Variants in PRH1 observed in about 807,000 individuals in gnomAD.
The protein encoded by PRH1 is proline rich protein HaeIII subfamily 1, also known as salivary acidic proline-rich phosphoprotein 1/2.
Under a neutral mutation model 7.9 loss-of-function variants are expected in PRH1, and 7 were observed. The ratio of observed to expected loss-of-function variants is 0.89; its 90% CI spans 0.50 to 1.67. The LOEUF (loss-of-function observed/expected upper bound fraction) is 1.67. Ranked by LOEUF, PRH1 falls within the 40% of genes most tolerant of loss-of-function variation. The pLI, the probability that PRH1 is intolerant of heterozygous loss-of-function variation, is 0.00. For missense variants in PRH1, 109 were observed against 223.6 expected (o/e 0.49, Z 3.27); for synonymous variants, 45 against 80.8 (o/e 0.56, Z 2.38).
chr12:10,998,661 G>C (rs1439738001), intron 1 of PRH1, among the ~76,000 whole-genome samples: 2 of 152,014 alleles, frequency 1.3e-5, no homozygotes, highest in Non-Finnish European at 1.5e-5. Flanking sequence ...TCCCATGCCA[G>C]ATTTTCAGCC....
At chr12:11,147,038 G>C (rs890932955) in intron 1 of PRH1, among the ~76,000 whole-genome samples, 6 of 151,848 alleles carry the variant, frequency 4.0e-5, no homozygotes, top group Admixed American at 2.0e-4. Flanking sequence ...GCCTATCTCC[G>C]AACTGTTAAT....
chr12:11,017,420 C>T (rs368620565), intron 1 of PRH1, among the ~76,000 whole-genome samples: 12 of 152,052 alleles, frequency 7.9e-5, no homozygotes, highest in African/African-American at 2.9e-4. Flanking sequence ...TAGAGAACAC[C>T]AACGCAGATA....
At chr12:11,041,114 C>T (rs926280544) in intron 1 of PRH1, among the ~76,000 whole-genome samples, 2 of 151,032 alleles carry the variant, frequency 1.3e-5, no homozygotes, top group Non-Finnish European at 1.5e-5. Context: ...CCAGTAATAA[C>T]GTTGAATGAA....
chr12:11,014,698 C>T (rs571227638), intron 1 of PRH1, among the ~76,000 whole-genome samples: 1 of 152,162 alleles, frequency 6.6e-6, no homozygotes, highest in East Asian at 1.9e-4. Flanking sequence ...GAAAAGGATG[C>T]TGAAAATTCA....
chr12:11,103,026 A>G (rs1021056355), intron 1 of PRH1, among the ~76,000 whole-genome samples: 3 of 152,198 alleles, frequency 2.0e-5, no homozygotes, highest in Non-Finnish European at 2.9e-5. Flanking sequence ...GGCAATCATT[A>G]AAAAGTCAGG....
chr12:11,117,408 T>C (rs562779889), downstream of PRH1, among the ~76,000 whole-genome samples: 2 of 151,728 alleles, frequency 1.3e-5, no homozygotes, highest in African/African-American at 2.4e-5. Context: ...ATGAAAGAAA[T>C]GGAAAAGGAC....
chr12:11,014,996 A>C (rs1280717128), intron 1 of PRH1, among the ~76,000 whole-genome samples: 1 of 152,146 alleles, frequency 6.6e-6, no homozygotes. Flanking sequence ...TTTCACAATA[A>C]GTAAAGATGC....
chr12:11,016,281 C>T (rs1023579465), intron 1 of PRH1, among the ~76,000 whole-genome samples: 41 of 152,182 alleles, frequency 2.7e-4, no homozygotes, highest in Non-Finnish European at 8.8e-5. Flanking sequence ...TGAAGTGGTA[C>T]ACTTAAAGGC....
upstream of PRH1, among the ~76,000 whole-genome samples, chr12:10,886,461 G>C (rs1286975687): frequency 2.6e-5 from 4 of 152,182 alleles, no homozygotes; most frequent in Non-Finnish European, 5.9e-5. Context: ...CAATCAGCGA[G>C]AGACTAGTGT....
At chr12:11,151,751 T>A (rs1440565757) in intron 1 of PRH1, among the ~76,000 whole-genome samples, 1 of 152,174 alleles carries the variant, frequency 6.6e-6, no homozygotes, top group Non-Finnish European at 1.5e-5. Flanking sequence ...GGAAAGAAAG[T>A]CTTTCTTTAG....
chr12:10,952,012 G>A (rs985979787), intron 2 of PRH1, among the ~76,000 whole-genome samples: 1 of 152,120 alleles, frequency 6.6e-6, no homozygotes, highest in Non-Finnish European at 1.5e-5. Flanking sequence ...ACAGCCTTAG[G>A]ATAGCTATCT....
intron 2 of PRH1, among the ~76,000 whole-genome samples, chr12:10,946,926 G>A (rs118051636): frequency 0.02 from 3,009 of 152,186 alleles, 34 homozygotes; most frequent in South Asian, 0.032. Flanking sequence ...TAATTTCCAT[G>A]TAATTGTATG....
At chr12:10,932,343 C>T (rs1950226028) in intron 2 of PRH1, 3 of 326,216 alleles carry the variant, frequency 9.2e-6, no homozygotes, top group Non-Finnish European at 2.1e-5. Flanking sequence ...GCATCTCCTT[C>T]TGAGTGTTTG....
At chr12:11,078,412 T>G in intron 1 of PRH1, 1 of 198,014 alleles carries the variant, frequency 5.1e-6, no homozygotes. Flanking sequence ...CCTATGCTAA[T>G]GGATGAGTTC....
intron 1 of PRH1, among the ~76,000 whole-genome samples, chr12:11,042,623 CTTTTTTT>C (rs71051557): frequency 1.9e-4 from 15 of 79,308 alleles, no homozygotes; most frequent in African/African-American, 4.8e-4. Context: ...CAGGCTCATT[CTTTTTTT>C]TTTTTTTTTT....
chr12:10,921,624 T>C (rs1390633872), intron 2 of PRH1, among the ~76,000 whole-genome samples: 2 of 152,222 alleles, frequency 1.3e-5, no homozygotes, highest in Non-Finnish European at 2.9e-5. Flanking sequence ...TCTATTTATT[T>C]ATTCATTCAT....
At chr12:11,001,257 T>C (rs536174397) in intron 1 of PRH1, among the ~76,000 whole-genome samples, 1 of 152,142 alleles carries the variant, frequency 6.6e-6, no homozygotes, top group East Asian at 1.9e-4. Context: ...CAAGATGCCA[T>C]TCCAATAAAT....
intron 1 of PRH1, among the ~76,000 whole-genome samples, chr12:11,102,816 T>C (rs572412201): frequency 1.4e-4 from 22 of 152,182 alleles, no homozygotes; most frequent in African/African-American, 4.6e-4. Context: ...ATATCCAGAA[T>C]CTACAAAGAA....
intron 3 of PRH1, among the ~76,000 whole-genome samples, chr12:10,881,904 A>C (rs1434813721): frequency 6.6e-6 from 1 of 152,196 alleles, no homozygotes; most frequent in Non-Finnish European, 1.5e-5. Flanking sequence ...TTTAAATGGG[A>C]GTCTGAGTTT....
Sources: gnomAD v4.1 joint callset for allele counts (sites outside exome capture counted in the v4.1 genomes callset) on GRCh38, gnomAD v4.1.1 for gene constraint, MANE v1.5 for transcripts, NCBI Gene and HGNC (gene_info 2026-07-23, HGNC 2026-07-21) for gene names.